The following DROSHA variants were observed in gnomAD, a reference collection of about 807,000 sequenced individuals.
The protein encoded by DROSHA is drosha ribonuclease III.
A neutral mutation model predicts 181.9 loss-of-function variants in DROSHA; 56 were observed. The observed-to-expected ratio is 0.31, with a 90% CI of 0.25 to 0.38. The LOEUF (loss-of-function observed/expected upper bound fraction) is 0.38, where lower values mean the gene tolerates loss of function less well. Among genes scored for constraint, DROSHA ranks in the 10% least tolerant of loss-of-function variants. The probability of loss-of-function intolerance (pLI) is 1.00; values close to 1 mark genes in which losing one functional copy is unlikely to be tolerated. For missense variants in DROSHA, 1,218 were observed against 1,743.5 expected, an observed-to-expected ratio of 0.70 and a Z score of 5.37; for synonymous variants, 524 against 591.2, an observed-to-expected ratio of 0.89 and a Z score of 1.65.
At chr5:31,413,290 C>T (rs1265844624) in intron 30 of DROSHA, among the ~76,000 whole-genome samples, 3 of 152,190 alleles carry the variant, frequency 2.0e-5, no homozygotes, top group African/African-American at 7.2e-5. Context: ...AACCCAGAGC[C>T]TGAACCAAAA....
intron 6 of DROSHA, among the ~76,000 whole-genome samples, chr5:31,516,232 G>A (rs1394546234): frequency 2.0e-5 from 3 of 152,194 alleles, no homozygotes; most frequent in Non-Finnish European, 2.9e-5. Context: ...TCCAGCCTGG[G>A]CAACAGAGCA....
chr5:31,419,629 C>G (rs552706304), intron 30 of DROSHA, among the ~76,000 whole-genome samples: 1 of 152,146 alleles, frequency 6.6e-6, no homozygotes, highest in African/African-American at 2.4e-5. Flanking sequence ...ATAAACTTCC[C>G]ATCTCTATAA....
At chr5:31,402,411 C>G (rs958703405) in intron 35 of DROSHA, among the ~76,000 whole-genome samples, 7 of 151,050 alleles carry the variant, frequency 4.6e-5, no homozygotes, top group Admixed American at 4.6e-4. Context: ...GAAGGCACAG[C>G]ATACAATCAA....
At position 31,423,027 on chromosome 5, in the gene DROSHA, T is replaced by A. The variant is rs112450686; in HGVS notation, c.3262-83A>T. ...TGATCAATTCTAGGACAGTGTTTTG[T>A]AAAATTCCTTCTCCCATGAGCAGAA... is the stretch of plus-strand genomic sequence containing the variant. On this transcript the variant is annotated intron_variant, in intron 28 of 35. Coordinates refer to ENST00000344624, the MANE Select transcript of DROSHA (RefSeq NM_001382508.1). The A allele has an allele frequency of 4.9e-3, 6,021 of 1,240,432 alleles. 229 individuals are homozygous for A. In the African/African-American group the frequency reaches 0.083, roughly 17 times the overall value. 76.8% of individuals were successfully genotyped at this position (1,240,432 alleles called of 1,614,324 possible).
rs536772740 is a variant in DROSHA, at chr5:31,400,606, A to C, written c.*826T>G. 6 of 152,336 alleles carry C rather than the reference A, an allele frequency of 3.9e-5. No individual in the cohort carries two copies. The South Asian group carries it at 8.3e-4, about 21-fold the overall frequency. The allele number at this position is 152,336 out of a possible 1,614,324, so 9.4% of individuals were successfully genotyped here. ...GAATGTCATGTTAGCCTTTTACTGC[A>C]GGGCCCACTTAGAGAGGCTGATAAA... On this transcript the variant is annotated 3_prime_UTR_variant, in exon 36 of 36. Coordinates refer to ENST00000344624, the MANE Select transcript of DROSHA (RefSeq NM_001382508.1).
intron 13 of DROSHA, 173 bp from the exon 14 acceptor site, chr5:31,486,735 A>T: frequency 1.8e-6 from 1 of 552,964 alleles, no homozygotes; most frequent in East Asian, 3.1e-5. Context: ...GATTTTAATG[A>T]CAAGAACCCA....
chr5:31,459,150 T>C (rs1748048863), intron 20 of DROSHA, among the ~76,000 whole-genome samples: 1 of 152,226 alleles, frequency 6.6e-6, no homozygotes, highest in African/African-American at 2.4e-5. Flanking sequence ...ACAGAAATGC[T>C]TCTGAAAACA....
At chr5:31,491,982 C>T (rs559083775) in intron 13 of DROSHA, among the ~76,000 whole-genome samples, 5 of 151,994 alleles carry the variant, frequency 3.3e-5, no homozygotes, top group African/African-American at 9.7e-5. Flanking sequence ...TTAGTAGAGA[C>T]GGGGTTTCGC....
intron 25 of DROSHA, 109 bp from the exon 26 acceptor site, chr5:31,431,787 G>T: frequency 1.1e-6 from 1 of 898,752 alleles, no homozygotes; most frequent in Admixed American, 2.1e-5. Flanking sequence ...TGGGGGCAGC[G>T]TAATGGTTAC....
intron 16 of DROSHA, among the ~76,000 whole-genome samples, chr5:31,472,979 C>T (rs1446717983): frequency 6.6e-6 from 1 of 152,216 alleles, no homozygotes; most frequent in East Asian, 1.9e-4. Context: ...GTGGGGTCCA[C>T]AGGCTTCTGC....
At chr5:31,442,784 C>T (rs996225683) in intron 23 of DROSHA, among the ~76,000 whole-genome samples, 1 of 151,950 alleles carries the variant, frequency 6.6e-6, no homozygotes, top group African/African-American at 2.4e-5. Flanking sequence ...TTCTACCCAA[C>T]TTAGGATTCC....
chr5:31,417,307 A>G (rs1279702391), intron 30 of DROSHA, among the ~76,000 whole-genome samples: 4 of 152,222 alleles, frequency 2.6e-5, no homozygotes, highest in Admixed American at 2.0e-4. Flanking sequence ...GAGTCTTATG[A>G]AAAACAGAGA....
chr5:31,529,189 A>C, intron 3 of DROSHA, 84 bp from the exon 4 acceptor site: 3 of 1,246,698 alleles, frequency 2.4e-6, no homozygotes, highest in Non-Finnish European at 3.4e-6. Context: ...TTACCATAAC[A>C]CTAATTTTGT....
At chr5:31,506,753 G>A (rs1561269469) in intron 10 of DROSHA, among the ~76,000 whole-genome samples, 1 of 151,698 alleles carries the variant, frequency 6.6e-6, no homozygotes, top group Non-Finnish European at 1.5e-5. Flanking sequence ...GTCATGACTT[G>A]TTGTGATGAA....
chr5:31,511,602 G>T (rs529441211), intron 8 of DROSHA, among the ~76,000 whole-genome samples: 1 of 151,976 alleles, frequency 6.6e-6, no homozygotes, highest in South Asian at 2.1e-4. Context: ...GCTAAGGCAG[G>T]AGAACTGTTT....
At chr5:31,429,789 A>C (rs1442182542) in intron 26 of DROSHA, among the ~76,000 whole-genome samples, 1 of 152,240 alleles carries the variant, frequency 6.6e-6, no homozygotes, top group Non-Finnish European at 1.5e-5. Flanking sequence ...TAAGTAAAAG[A>C]GGCCAAATAT....
At chr5:31,471,344 A>C (rs1024121063) in intron 17 of DROSHA, among the ~76,000 whole-genome samples, 5 of 152,136 alleles carry the variant, frequency 3.3e-5, no homozygotes, top group African/African-American at 1.2e-4. Flanking sequence ...TATCCTTATA[A>C]GATGCCAACA....
chr5:31,475,186 T>C (rs1165440791), intron 16 of DROSHA, among the ~76,000 whole-genome samples: 1 of 151,994 alleles, frequency 6.6e-6, no homozygotes, highest in East Asian at 1.9e-4. Flanking sequence ...GGCATGGTGG[T>C]ACACACTGGT....
intron 9 of DROSHA, among the ~76,000 whole-genome samples, chr5:31,509,853 T>C (rs1375529595): frequency 6.6e-6 from 1 of 152,082 alleles, no homozygotes; most frequent in Non-Finnish European, 1.5e-5. Flanking sequence ...AGGAAGAAAG[T>C]AGCATAGTAG....
Sources: allele counts gnomAD v4.1 joint callset (sites outside exome capture counted in the v4.1 genomes callset), GRCh38; gene constraint gnomAD v4.1.1; transcripts MANE v1.5; gene names NCBI Gene and HGNC (gene_info 2026-07-23, HGNC 2026-07-21).